The following ULK2 variants were observed in gnomAD, a reference collection of about 807,000 sequenced individuals.
ULK2 encodes unc-51 like autophagy activating kinase 2, also known as serine/threonine-protein kinase ULK2.
Under a neutral mutation model 127.5 loss-of-function variants are expected in ULK2, and 76 were observed. The ratio of observed to expected loss-of-function variants is 0.60; its 90% CI spans 0.50 to 0.72. The LOEUF (loss-of-function observed/expected upper bound fraction) is 0.72. Ranked by LOEUF, ULK2 falls within the 30% of genes least tolerant of loss-of-function variation. The pLI is 0.00. For synonymous variants in ULK2, 452 were observed against 461.9 expected (o/e 0.98, Z 0.28); for missense variants, 1,144 against 1,295.9 (o/e 0.88, Z 1.80).
At chr17:19,783,929 G>A in intron 21 of ULK2, 24 bp from the exon 22 acceptor site, 1 of 1,444,458 alleles carries the variant, frequency 6.9e-7, no homozygotes, top group Non-Finnish European at 9.1e-7. Context: ...GAGGATACAT[G>A]GCAGTGTCCA....
intron 12 of ULK2, among the ~76,000 whole-genome samples, chr17:19,821,127 C>T (rs193069270): frequency 6.6e-6 from 1 of 152,046 alleles, no homozygotes; most frequent in African/African-American, 2.4e-5. Flanking sequence ...GCCAACATGG[C>T]GAAACCCCAT....
Position 19,816,680 on chromosome 17 carries a change from G to T in ULK2, c.1096+69C>A, listed in dbSNP as rs1175546045. ...CCCTACACAAGAAAGTGTAATATAT[G>T]GGTTAAAAAAAAGATGCTAGTTTAG... On this transcript the variant is annotated intron_variant, in intron 13 of 26. Coordinates refer to ENST00000395544, the MANE Select transcript of ULK2 (RefSeq NM_014683.4). 11 of 1,391,274 alleles carry T rather than the reference G, an allele frequency of 7.9e-6. No individual in the cohort carries two copies. In the East Asian group the frequency reaches 2.6e-4, roughly 33 times the overall value. 86.2% of individuals were successfully genotyped at this position (1,391,274 alleles called of 1,614,324 possible). A position where few individuals can be genotyped will look rare whatever the true frequency, so the allele number is the denominator to read the frequency against.
At chr17:19,837,477 C>A (rs1242339614) in intron 10 of ULK2, among the ~76,000 whole-genome samples, 1 of 152,084 alleles carries the variant, frequency 6.6e-6, no homozygotes, top group African/African-American at 2.4e-5. Flanking sequence ...CCCAATCTGT[C>A]CCCAGTCTAG....
At chr17:19,857,135 G>A (rs546968858) in intron 3 of ULK2, among the ~76,000 whole-genome samples, 19 of 151,552 alleles carry the variant, frequency 1.3e-4, no homozygotes, top group African/African-American at 3.1e-4. Context: ...GCAAAACCTC[G>A]TCTCTACCAA....
intron 8 of ULK2, 92 bp downstream of exon 8, chr17:19,843,029 T>C (rs1482696676): frequency 2.7e-6 from 3 of 1,102,412 alleles, no homozygotes; most frequent in African/African-American, 3.1e-5. Context: ...CCAAAAACAC[T>C]GCTTTCAAAG....
intron 13 of ULK2, 109 bp downstream of exon 13, chr17:19,816,640 T>G: frequency 1.0e-6 from 1 of 964,828 alleles, no homozygotes; most frequent in Non-Finnish European, 1.4e-6. Context: ...AATAAAATGC[T>G]CATTTGAAAA....
At chr17:19,830,058 T>C (rs373858731) in intron 10 of ULK2, among the ~76,000 whole-genome samples, 20 of 152,184 alleles carry the variant, frequency 1.3e-4, no homozygotes, top group African/African-American at 4.8e-4. Flanking sequence ...AGGGAGGCAC[T>C]GAACAGTGCT....
intron 13 of ULK2, among the ~76,000 whole-genome samples, chr17:19,812,225 A>G (rs2087658874): frequency 6.6e-6 from 1 of 152,214 alleles, no homozygotes; most frequent in Non-Finnish European, 1.5e-5. Context: ...AAGCCGTTAG[A>G]ATACAGTTCA....
intron 12 of ULK2, among the ~76,000 whole-genome samples, chr17:19,823,846 C>T (rs563316395): frequency 2.8e-4 from 42 of 152,186 alleles, no homozygotes; most frequent in African/African-American, 7.7e-4. Context: ...TATGAATTTG[C>T]GGGGCTGTGT....
intron 10 of ULK2, among the ~76,000 whole-genome samples, chr17:19,830,275 T>C (rs999463289): frequency 3.9e-5 from 6 of 152,258 alleles, no homozygotes; most frequent in Admixed American, 1.3e-4. Flanking sequence ...AATTAGCTCA[T>C]TGCAGCATCA....
chr17:19,817,038 AT>A, intron 12 of ULK2, 118 bp from the exon 13 acceptor site: 1 of 832,800 alleles, frequency 1.2e-6, no homozygotes, highest in Non-Finnish European at 1.8e-6. Flanking sequence ...GTCCAATTCC[AT>A]CTAAGGTTTC....
chr17:19,838,743 A>G (rs75883553), intron 9 of ULK2, among the ~76,000 whole-genome samples, 160 bp from the exon 10 acceptor site: 6,098 of 152,246 alleles, frequency 0.04, 161 homozygotes, highest in Middle Eastern at 0.13. Flanking sequence ...AAGAAGGGAA[A>G]AAAGCCGGGT....
At chr17:19,835,310 G>A (rs1384338591) in intron 10 of ULK2, among the ~76,000 whole-genome samples, 1 of 150,988 alleles carries the variant, frequency 6.6e-6, no homozygotes, top group Non-Finnish European at 1.5e-5. Flanking sequence ...TTGGTCTCCT[G>A]ACCTCGTGAT....
chr17:19,858,516 T>C (rs1285622042), intron 3 of ULK2, among the ~76,000 whole-genome samples: 1 of 152,200 alleles, frequency 6.6e-6, no homozygotes, highest in Non-Finnish European at 1.5e-5. Flanking sequence ...TATACGCCTG[T>C]ACATCTCATT....
chr17:19,822,744 T>C (rs1022300437), intron 12 of ULK2, among the ~76,000 whole-genome samples: 28 of 152,038 alleles, frequency 1.8e-4, no homozygotes, highest in Admixed American at 1.3e-4. Flanking sequence ...TGGAGTGCAG[T>C]TGAGCGATCT....
intron 10 of ULK2, among the ~76,000 whole-genome samples, chr17:19,834,480 T>C (rs1298285694): frequency 6.6e-6 from 1 of 150,948 alleles, no homozygotes; most frequent in Admixed American, 6.6e-5. Context: ...AATGGAATTA[T>C]ATTAGAACTA....
chr17:19,792,932 T>A (rs1355372713), intron 20 of ULK2, among the ~76,000 whole-genome samples: 2 of 152,206 alleles, frequency 1.3e-5, no homozygotes, highest in Non-Finnish European at 2.9e-5. Context: ...CAGCATAAAT[T>A]GACATATAGA....
At position 19,825,161 on chromosome 17, in the gene ULK2, A is replaced by G. The variant is rs578056035; in HGVS notation, c.857T>C (p.Met286Thr). The G allele has an allele frequency of 5.6e-6, 9 of 1,614,142 alleles. No homozygotes were observed. The highest frequency in any genetic ancestry group is 1.7e-5 in the Admixed American group (1 of 60,016). Reference sequence around the variant, plus strand: ...GCTTCCAGAGACAGAACCAGAATACATGGGCACTGGAACTGGGCAAGCTAG... The same window carrying G: ...GCTTCCAGAGACAGAACCAGAATACGTGGGCACTGGAACTGGGCAAGCTAG... ...VKKSCPVPVP[M>T]YSGSVSGSSC... Residue 286 changes from methionine (M) to threonine (T), a missense_variant, in exon 12 of 27, where the codon ATG becomes ACG. Around this residue, in one of 2 missense-constraint regions of ULK2, gnomAD observed 913 missense variants for 970.5 expected, o/e 0.94. Transcript: ENST00000395544.
chr17:19,843,135 T>G lies in ULK2; in HGVS notation c.631A>C (p.Lys211Gln). The change falls in exon 8 of 27, where the codon AAA becomes CAA. Residue 211 changes from lysine to glutamine, a missense_variant. This residue lies in a region of ULK2 where 231 missense variants were observed against 325.4 expected (regional missense o/e 0.71). Coordinates refer to ENST00000395544, the MANE Select transcript of ULK2 (RefSeq NM_014683.4). ...AGTCAGCCTACCTGAAAAGGTGGTT[T>G]TCCAACTAGGCATTGGTATATCACT... ...GTVIYQCLVG[K>Q]PPFQANSPQD... is the part of the protein sequence containing the mutation. 1 of 1,613,934 alleles carries G rather than the reference T, an allele frequency of 6.2e-7. No homozygotes were observed. The highest frequency in any genetic ancestry group is 1.1e-5 in the South Asian group (1 of 91,034).
Sources: allele counts gnomAD v4.1 joint callset (sites outside exome capture counted in the v4.1 genomes callset), GRCh38; gene constraint gnomAD v4.1.1; regional missense constraint gnomAD v4.1.1; transcripts MANE v1.5; gene names NCBI Gene and HGNC (gene_info 2026-07-23, HGNC 2026-07-21).